Variants in PTPRD observed in about 807,000 individuals in gnomAD.
PTPRD encodes the protein protein tyrosine phosphatase receptor type D.
In PTPRD, 34 loss-of-function variants were observed where a neutral mutation model predicts 214.5. That is an observed-to-expected ratio of 0.16 (90% CI 0.12 to 0.21). The LOEUF is 0.21. PTPRD is among the 10% of genes least tolerant of loss of function. PTPRD has a pLI of 1.00. For missense variants in PTPRD, 2,545 were observed against 2,398.7 expected, an observed-to-expected ratio of 1.06 and a Z score of -1.27; for synonymous variants, 1,128 against 845.7, an observed-to-expected ratio of 1.33 and a Z score of -5.79.
intron 3 of PTPRD, among the ~76,000 whole-genome samples, chr9:10,174,096 G>A (rs2099230159): frequency 6.6e-6 from 1 of 152,154 alleles, no homozygotes; most frequent in Non-Finnish European, 1.5e-5. Context: ...TTTGCCTAAT[G>A]TGGTAGAGGT....
chr9:8,718,946 G>A (rs1318685578), intron 12 of PTPRD, among the ~76,000 whole-genome samples: 21 of 151,900 alleles, frequency 1.4e-4, no homozygotes, highest in Admixed American at 1.3e-3. Flanking sequence ...CACCAAAATG[G>A]TACAGAGTAT....
chr9:8,964,353 T>A (rs2099178190), intron 11 of PTPRD, among the ~76,000 whole-genome samples: 1 of 151,878 alleles, frequency 6.6e-6, no homozygotes, highest in Non-Finnish European at 1.5e-5. Flanking sequence ...ATAGAGTTGT[T>A]CATAATAGTT....
At chr9:10,042,906 A>G (rs1044743716) in intron 3 of PTPRD, among the ~76,000 whole-genome samples, 3 of 151,974 alleles carry the variant, frequency 2.0e-5, no homozygotes, top group African/African-American at 7.2e-5. Flanking sequence ...TTTGTGAAAA[A>G]GTCTTTGAAT....
Position 10,269,247 on chromosome 9 carries a change from A to C in PTPRD, c.-545+71716T>G, listed in dbSNP as rs528120136. Among the ~76,000 whole-genome samples the C allele has an allele frequency of 7.2e-5, 11 of 152,348 alleles. No homozygotes were observed. In the South Asian group the frequency reaches 2.3e-3, roughly 32 times the overall value. Reference sequence around the variant, plus strand: ...TCTAATGCAATTTCTAATTGCCCTAACTATGAATTAATCTATTTGATCCAC... The same window carrying C: ...TCTAATGCAATTTCTAATTGCCCTACCTATGAATTAATCTATTTGATCCAC... On this transcript the variant is annotated intron_variant, in intron 3 of 45. Coordinates refer to ENST00000381196, the MANE Select transcript of PTPRD (RefSeq NM_002839.4).
chr9:8,553,406 C>A (rs754610248), intron 14 of PTPRD, among the ~76,000 whole-genome samples: 1 of 152,104 alleles, frequency 6.6e-6, no homozygotes, highest in Non-Finnish European at 1.5e-5. Context: ...AAACAAGGAG[C>A]AATTTGGTTT....
intron 4 of PTPRD, among the ~76,000 whole-genome samples, chr9:9,955,725 G>A (rs1302929535): frequency 6.6e-6 from 1 of 151,954 alleles, no homozygotes; most frequent in Non-Finnish European, 1.5e-5. Context: ...GGGTTTCACC[G>A]TGTTAGCCAG....
At chr9:10,330,540 A>G (rs1237637259) in intron 3 of PTPRD, among the ~76,000 whole-genome samples, 3 of 151,900 alleles carry the variant, frequency 2.0e-5, no homozygotes, top group Non-Finnish European at 4.4e-5. Context: ...TCAATATTTT[A>G]AAGTTTCTTG....
Position 9,090,850 on chromosome 9 carries a change from C to G in PTPRD, c.-142-72115G>C, listed in dbSNP as rs2099774497. On this transcript the variant is annotated intron_variant, in intron 10 of 45. Transcript: ENST00000381196. ...TATCTTATTCCATTGACAATGATGA[C>G]AGGTTAAAAATTTCTTTAAATAGCT... 4 of 808,008 alleles carry G rather than the reference C, an allele frequency of 5.0e-6. No individual in the cohort carries two copies. The Admixed American group carries it at 5.2e-5, about 11-fold the overall frequency. 50.1% of individuals were successfully genotyped at this position (808,008 alleles called of 1,614,324 possible).
At chr9:9,576,655 G>C (rs992270644) in intron 7 of PTPRD, among the ~76,000 whole-genome samples, 2 of 152,140 alleles carry the variant, frequency 1.3e-5, no homozygotes, top group African/African-American at 4.8e-5. Flanking sequence ...TTGAGTATTA[G>C]AATTAACATT....
rs74578523 is a variant in PTPRD, at chr9:8,481,285, G to A, written c.3413+2834C>T. ...TAATCTTTCAGAAATTCTTTTCACT[G>A]ATTTTAGTAATAATCTTTTTGAAAT... On this transcript the variant is annotated intron_variant, in intron 30 of 45. Coordinates refer to ENST00000381196, the MANE Select transcript of PTPRD (RefSeq NM_002839.4). Among the ~76,000 whole-genome samples, 12 of 145,208 alleles carry A rather than the reference G, an allele frequency of 8.3e-5. No homozygotes were observed. The East Asian group carries it at 2.1e-3, about 25-fold the overall frequency.
chr9:8,732,146 T>A (rs1238186490), intron 12 of PTPRD, among the ~76,000 whole-genome samples: 2 of 152,200 alleles, frequency 1.3e-5, no homozygotes, highest in African/African-American at 4.8e-5. Context: ...GAAAAGATTG[T>A]TTTTTCAAAC....
At chr9:8,611,826 G>A (rs1193778764) in intron 14 of PTPRD, among the ~76,000 whole-genome samples, 2 of 149,736 alleles carry the variant, frequency 1.3e-5, no homozygotes, top group Non-Finnish European at 3.0e-5. Context: ...GAAGAGAGGA[G>A]GAGAAGGAAA....
chr9:8,575,086 T>C (rs1166817467), intron 14 of PTPRD, among the ~76,000 whole-genome samples: 1 of 152,094 alleles, frequency 6.6e-6, no homozygotes, highest in African/African-American at 2.4e-5. Flanking sequence ...CCTCGTACTC[T>C]ACGAATAGCT....
intron 5 of PTPRD, among the ~76,000 whole-genome samples, chr9:9,787,230 GAACA>G: frequency 6.8e-6 from 1 of 147,974 alleles, no homozygotes; most frequent in East Asian, 2.0e-4. Context: ...AAAAAAAAAA[GAACA>G]AACAGTACTA....
chr9:9,230,829 G>A (rs184322893), intron 9 of PTPRD, among the ~76,000 whole-genome samples: 130 of 152,230 alleles, frequency 8.5e-4, no homozygotes, highest in Non-Finnish European at 1.5e-3. Context: ...TAACCTGAGA[G>A]ATTTTGCCTG....
chr9:9,387,319 C>A (rs1354232147), intron 9 of PTPRD, among the ~76,000 whole-genome samples: 1 of 152,116 alleles, frequency 6.6e-6, no homozygotes, highest in African/African-American at 2.4e-5. Context: ...CAAGTGGAAG[C>A]ACAGTTTAGG....
intron 11 of PTPRD, among the ~76,000 whole-genome samples, chr9:8,752,513 C>A (rs923541153): frequency 2.0e-5 from 3 of 152,136 alleles, no homozygotes; most frequent in Non-Finnish European, 4.4e-5. Context: ...TTCTTTCATT[C>A]CTTTACTTTT....
intron 3 of PTPRD, among the ~76,000 whole-genome samples, chr9:10,128,489 A>G (rs907526997): frequency 6.6e-6 from 1 of 152,160 alleles, no homozygotes; most frequent in Non-Finnish European, 1.5e-5. Flanking sequence ...TGACTGAGGC[A>G]TGAAACAGAG....
chr9:9,957,593 A>G (rs191844336), intron 4 of PTPRD, among the ~76,000 whole-genome samples: 1 of 152,296 alleles, frequency 6.6e-6, no homozygotes, highest in East Asian at 1.9e-4. Context: ...TCACCACCAT[A>G]GCAAAAACAA....
Sources: gnomAD v4.1 joint callset for allele counts (sites outside exome capture counted in the v4.1 genomes callset) on GRCh38, gnomAD v4.1.1 for gene constraint, MANE v1.5 for transcripts, NCBI Gene and HGNC (gene_info 2026-07-23, HGNC 2026-07-21) for gene names.